The following GRIK1 variants were observed in gnomAD, a reference collection of about 807,000 sequenced individuals.
GRIK1 encodes the protein glutamate ionotropic receptor kainate type subunit 1, also known as glutamate receptor ionotropic, kainate 1.
GRIK1 carries 69 observed loss-of-function variants against 105.7 expected under a neutral mutation model. The ratio of observed to expected loss-of-function variants is 0.65; its 90% CI spans 0.54 to 0.80. GRIK1 has a LOEUF of 0.80. GRIK1 is among the 30% of genes least tolerant of loss of function. GRIK1 has a pLI of 0.00. For synonymous variants in GRIK1, 438 were observed against 431.3 expected (o/e 1.02, Z -0.19); for missense variants, 1,109 against 1,167.3 (o/e 0.95, Z 0.73).
intron 2 of GRIK1, among the ~76,000 whole-genome samples, chr21:29,691,257 A>C (rs2063579593): frequency 6.6e-6 from 1 of 152,178 alleles, no homozygotes; most frequent in Admixed American, 6.5e-5. Context: ...ATTGCAGTGA[A>C]CTGAGATAGC....
Position 29,655,344 on chromosome 21 carries a change from G to T in GRIK1, c.727-481C>A, listed in dbSNP as rs142773688. On this transcript the variant is annotated intron_variant, in intron 4 of 17. Coordinates refer to ENST00000327783, the MANE Select transcript of GRIK1 (RefSeq NM_001330994.2). The stretch of plus-strand genomic sequence containing the variant: ...AATCGCTTGAACCTGGGAGGCGGAG[G>T]TTGCAGTGAGCCCAGACTGTACCAT... 6.1e-3 allele frequency among the ~76,000 whole-genome samples: 927 copies of T among 152,074 alleles called. 15 individuals are homozygous for T. Among genetic ancestry groups the T allele is most frequent in the African/African-American group, 0.021 (871 of 41,476 alleles).
intron 14 of GRIK1, among the ~76,000 whole-genome samples, chr21:29,562,838 G>C (rs2090515975): frequency 6.6e-6 from 1 of 151,352 alleles, no homozygotes; most frequent in African/African-American, 2.4e-5. Flanking sequence ...AATTATATAT[G>C]TTATGTAATA....
At chr21:29,709,434 C>A (rs1247169098) in intron 1 of GRIK1, among the ~76,000 whole-genome samples, 4 of 151,914 alleles carry the variant, frequency 2.6e-5, no homozygotes, top group Admixed American at 2.6e-4. Context: ...GTGCCCGCCA[C>A]CATGCCCGGC....
intron 1 of GRIK1, among the ~76,000 whole-genome samples, chr21:29,920,665 C>T (rs2071161882): frequency 6.6e-6 from 1 of 152,078 alleles, no homozygotes; most frequent in Non-Finnish European, 1.5e-5. Flanking sequence ...CTATCCTGCT[C>T]ATTCATATGT....
intron 3 of GRIK1, among the ~76,000 whole-genome samples, chr21:29,686,666 T>C (rs1288224599): frequency 6.6e-6 from 1 of 152,196 alleles, no homozygotes; most frequent in Non-Finnish European, 1.5e-5. Context: ...CTTGCTACTT[T>C]GTCAGAGTGG....
At chr21:29,566,802 A>C (rs2146199018) in intron 14 of GRIK1, among the ~76,000 whole-genome samples, 1 of 152,346 alleles carries the variant, frequency 6.6e-6, no homozygotes, top group East Asian at 1.9e-4. Context: ...AGGAAATAGA[A>C]CAGCACATGA....
intron 1 of GRIK1, among the ~76,000 whole-genome samples, chr21:29,699,192 T>C (rs190696493): frequency 9.8e-5 from 15 of 152,348 alleles, no homozygotes; most frequent in Non-Finnish European, 1.6e-4. Context: ...CGACTTGCTT[T>C]CTTGGTAAGT....
At chr21:29,721,433 A>G (rs2064318647) in intron 1 of GRIK1, among the ~76,000 whole-genome samples, 1 of 152,124 alleles carries the variant, frequency 6.6e-6, no homozygotes, top group African/African-American at 2.4e-5. Context: ...GGTTACACCC[A>G]CAGTGGTGCA....
intron 1 of GRIK1, among the ~76,000 whole-genome samples, chr21:29,802,549 C>T (rs1378068828): frequency 2.0e-5 from 3 of 152,138 alleles, no homozygotes; most frequent in Non-Finnish European, 2.9e-5. Context: ...ATCTCATCAT[C>T]CTCCATTCTG....
chr21:29,596,780 T>A (rs1176866681), intron 8 of GRIK1: 1 of 580,308 alleles, frequency 1.7e-6, no homozygotes, highest in African/African-American at 1.9e-5. Context: ...TACCTGGTGG[T>A]AAGACTCAAT....
intron 2 of GRIK1, 82 bp downstream of exon 2, chr21:29,693,814 A>G: frequency 1.0e-6 from 1 of 998,822 alleles, no homozygotes; most frequent in Admixed American, 2.1e-5. Flanking sequence ...CCGCTTTAAA[A>G]GAGGGCAGGT....
At chr21:29,730,629 C>T (rs1049910533) in intron 1 of GRIK1, among the ~76,000 whole-genome samples, 7 of 152,124 alleles carry the variant, frequency 4.6e-5, no homozygotes, top group African/African-American at 1.7e-4. Flanking sequence ...TCTTTTTATC[C>T]TCTAATTTCT....
intron 1 of GRIK1, among the ~76,000 whole-genome samples, chr21:29,884,606 C>G (rs144157351): frequency 2.2e-4 from 33 of 152,094 alleles, no homozygotes; most frequent in African/African-American, 7.7e-4. Context: ...ATGTTTCTAA[C>G]CTAACAGATA....
chr21:29,868,023 AG>A (rs2068886575), intron 1 of GRIK1, among the ~76,000 whole-genome samples: 3 of 96,248 alleles, frequency 3.1e-5, no homozygotes, highest in African/African-American at 1.4e-4. Context: ...AAAGACAGAA[AG>A]AAAGGAAGGA....
intron 3 of GRIK1, among the ~76,000 whole-genome samples, chr21:29,684,089 A>G (rs2063434384): frequency 6.6e-6 from 1 of 152,180 alleles, no homozygotes; most frequent in Non-Finnish European, 1.5e-5. Flanking sequence ...TTTCCTTCAT[A>G]ACATTTTCTA....
intron 1 of GRIK1, among the ~76,000 whole-genome samples, chr21:29,793,741 T>A (rs1294289114): frequency 6.6e-6 from 1 of 152,232 alleles, no homozygotes; most frequent in African/African-American, 2.4e-5. Context: ...TTGAAAATCA[T>A]TGATTTCAAA....
At chr21:29,704,416 A>G (rs1478136505) in intron 1 of GRIK1, among the ~76,000 whole-genome samples, 3 of 152,132 alleles carry the variant, frequency 2.0e-5, no homozygotes, top group African/African-American at 7.2e-5. Context: ...CATAAAATCT[A>G]CTACATATTT....
At chr21:29,652,147 T>C (rs1601375918) in intron 5 of GRIK1, among the ~76,000 whole-genome samples, 1 of 152,298 alleles carries the variant, frequency 6.6e-6, no homozygotes. Flanking sequence ...TTATTTCCAT[T>C]TGGTTCAATG....
chr21:29,917,395 G>A (rs1339271458), intron 1 of GRIK1, among the ~76,000 whole-genome samples: 1 of 152,024 alleles, frequency 6.6e-6, no homozygotes, highest in Non-Finnish European at 1.5e-5. Context: ...GCATTAGGGA[G>A]AAAGGAATGC....
Sources: gnomAD v4.1 joint callset for allele counts (sites outside exome capture counted in the v4.1 genomes callset) on GRCh38, gnomAD v4.1.1 for gene constraint, MANE v1.5 for transcripts, NCBI Gene and HGNC (gene_info 2026-07-23, HGNC 2026-07-21) for gene names.